Variants in FRMD4A observed in about 807,000 individuals in gnomAD.
The protein encoded by FRMD4A is FERM domain containing 4A, also known as FERM domain-containing protein 4A.
In FRMD4A, 29 loss-of-function variants were observed where a neutral mutation model predicts 129.1. That is an observed-to-expected ratio of 0.22 (90% confidence interval 0.17 to 0.31). The LOEUF (loss-of-function observed/expected upper bound fraction) is 0.31. FRMD4A is among the 10% of genes least tolerant of loss of function. The probability of loss-of-function intolerance (pLI) is 1.00; values close to 1 mark genes in which losing one functional copy is unlikely to be tolerated. For missense variants in FRMD4A, 1,272 were observed against 1,375.8 expected (o/e 0.92, Z 1.19); for synonymous variants, 634 against 571.6 (o/e 1.11, Z -1.56).
At chr10:14,121,246 T>C (rs1175746465) in intron 2 of FRMD4A, among the ~76,000 whole-genome samples, 1 of 152,180 alleles carries the variant, frequency 6.6e-6, no homozygotes, top group African/African-American at 2.4e-5. Context: ...CGTGCACCTG[T>C]AGTCCCAGCT....
chr10:14,129,407 T>TATAA (rs1554766626), intron 2 of FRMD4A, among the ~76,000 whole-genome samples: 41 of 112,382 alleles, frequency 3.6e-4, no homozygotes, highest in Admixed American at 7.6e-4. Context: ...TATATATATA[T>TATAA]AAAAAATATG....
At chr10:13,937,029 G>C (rs1320664476) in intron 2 of FRMD4A, among the ~76,000 whole-genome samples, 2 of 152,212 alleles carry the variant, frequency 1.3e-5, no homozygotes, top group East Asian at 3.8e-4. Flanking sequence ...TTCTGGCTGG[G>C]CTCACCAAAG....
intron 2 of FRMD4A, among the ~76,000 whole-genome samples, chr10:14,095,566 G>A (rs1020674978): frequency 9.2e-5 from 14 of 152,282 alleles, no homozygotes; most frequent in Admixed American, 3.3e-4. Flanking sequence ...TTTTACATAC[G>A]CACTTCTAAA....
At chr10:14,030,831 G>A (rs1009253056) in intron 2 of FRMD4A, among the ~76,000 whole-genome samples, 2 of 152,124 alleles carry the variant, frequency 1.3e-5, no homozygotes, top group African/African-American at 4.8e-5. Flanking sequence ...CACTCAGGAT[G>A]CATTTTCCAT....
rs143453333 is a variant in FRMD4A at position 13,837,938 on chromosome 10, A to G, written c.111+20909T>C. ...GGTGGCTACTATGGTGACCTGCCCA[A>G]TGAAGACCTCTTAAGGGGATGGAGG... On this transcript the variant is annotated intron_variant, in intron 3 of 24. Transcript: ENST00000357447. 3.0e-3 allele frequency among the ~76,000 whole-genome samples: 451 copies of G among 152,326 alleles called. 1 individual carries two copies. The highest frequency in any genetic ancestry group is 5.5e-3 in the Non-Finnish European group (371 of 68,020).
intron 23 of FRMD4A, chr10:13,652,765 G>A (rs2081758801): frequency 6.6e-6 from 1 of 152,202 alleles, no homozygotes; most frequent in African/African-American, 2.4e-5. Context: ...CTTGAGTGTG[G>A]GTCAGCATCA....
intron 2 of FRMD4A, among the ~76,000 whole-genome samples, chr10:14,240,043 G>C (rs534392983): frequency 6.6e-6 from 1 of 152,122 alleles, no homozygotes; most frequent in Non-Finnish European, 1.5e-5. Flanking sequence ...AGGATGCTCC[G>C]AATGCATGCT....
intron 15 of FRMD4A, among the ~76,000 whole-genome samples, chr10:13,691,113 A>G (rs2085648413): frequency 1.3e-5 from 2 of 152,140 alleles, no homozygotes; most frequent in Admixed American, 6.5e-5. Context: ...TCAGCCTCGA[A>G]AATAACTGGG....
chr10:13,791,431 C>A (rs1049557729), intron 5 of FRMD4A, among the ~76,000 whole-genome samples: 1 of 142,452 alleles, frequency 7.0e-6, no homozygotes, highest in African/African-American at 2.6e-5. Flanking sequence ...CAGGACCAGT[C>A]CAACCCTGCG....
At chr10:14,146,267 TTA>T (rs780432215) in intron 2 of FRMD4A, among the ~76,000 whole-genome samples, 15 of 152,224 alleles carry the variant, frequency 9.9e-5, no homozygotes, top group Non-Finnish European at 2.1e-4. Context: ...GGCAGCTAGA[TTA>T]TGTGACAGGA....
At chr10:13,903,458 G>A (rs747250040) in intron 2 of FRMD4A, among the ~76,000 whole-genome samples, 9 of 152,208 alleles carry the variant, frequency 5.9e-5, no homozygotes, top group Non-Finnish European at 1.3e-4. Flanking sequence ...GCCGTGCATG[G>A]TGGCTTATGC....
rs2082374371 is a variant in FRMD4A, at chr10:13,658,592, A to G, written c.2066+731T>C. 2.0e-5 allele frequency among the ~76,000 whole-genome samples: 3 copies of G among 152,288 alleles called. No homozygotes were observed. The South Asian group carries it at 6.2e-4, about 32-fold the overall frequency. ...CTGGTTTGCTTCTTTTTAGAAAAAG[A>G]AGGTGTGGCTAGGAGCGGTGGCTCA... On this transcript the variant is annotated intron_variant, in intron 21 of 24. Coordinates refer to ENST00000357447, the MANE Select transcript of FRMD4A (RefSeq NM_018027.5).
chr10:14,152,061 C>T (rs554523917), intron 2 of FRMD4A, among the ~76,000 whole-genome samples: 17 of 145,634 alleles, frequency 1.2e-4, no homozygotes, highest in African/African-American at 4.1e-4. Flanking sequence ...CAATACACTA[C>T]AGTTTGCTGG....
rs370591809 is a variant in FRMD4A, at chr10:13,687,347, AAAC to A, written c.1117+6548_1117+6550del. Among the ~76,000 whole-genome samples the A allele has an allele frequency of 6.8e-3, 1,039 of 152,280 alleles. 10 individuals carry two copies. The highest frequency in any genetic ancestry group is 0.024 in the African/African-American group (980 of 41,560). On this transcript the variant is annotated intron_variant, in intron 15 of 24. Transcript: ENST00000357447. ...GCTGTTCTCTGATGGCAAATCCCCA[AAAC>A]AACACTTAGAACAAATCTCAGGCTC...
intron 2 of FRMD4A, among the ~76,000 whole-genome samples, chr10:14,096,339 T>A (rs1836960467): frequency 1.3e-5 from 2 of 152,186 alleles, no homozygotes; most frequent in Non-Finnish European, 2.9e-5. Flanking sequence ...CTGTGAGCGA[T>A]CAATTTCTGT....
chr10:13,842,752 G>A (rs4083258), intron 3 of FRMD4A, among the ~76,000 whole-genome samples: 43,797 of 152,162 alleles, frequency 0.29, 6,607 homozygotes, highest in Middle Eastern at 0.42. Context: ...TTAAAAGACT[G>A]TCCTTATTCA....
chr10:13,767,840 T>G (rs73593006), intron 6 of FRMD4A, among the ~76,000 whole-genome samples: 3,113 of 152,158 alleles, frequency 0.02, 100 homozygotes, highest in South Asian at 0.12. Flanking sequence ...GTTTCTGCAG[T>G]GTCTGAGCTG....
At chr10:14,031,253 T>C (rs1449023868) in intron 2 of FRMD4A, among the ~76,000 whole-genome samples, 3 of 148,348 alleles carry the variant, frequency 2.0e-5, no homozygotes, top group African/African-American at 7.7e-5. Context: ...TGCATCCTCC[T>C]GAATCTTTTA....
intron 3 of FRMD4A, among the ~76,000 whole-genome samples, chr10:13,815,063 CT>C (rs1333272424): frequency 6.6e-6 from 1 of 152,146 alleles, no homozygotes; most frequent in Non-Finnish European, 1.5e-5. Flanking sequence ...CACCTACATC[CT>C]GGATATGTCC....
Sources: allele counts gnomAD v4.1 joint callset (sites outside exome capture counted in the v4.1 genomes callset), GRCh38; gene constraint gnomAD v4.1.1; transcripts MANE v1.5; gene names NCBI Gene and HGNC (gene_info 2026-07-23, HGNC 2026-07-21).